UBN1: variants seen among roughly 807,000 people sequenced by gnomAD.
The protein encoded by UBN1 is ubinuclein 1, also known as ubinuclein-1.
In UBN1, 17 loss-of-function variants were observed where a neutral mutation model predicts 108.5. The ratio of observed to expected loss-of-function variants is 0.16; its 90% CI spans 0.11 to 0.24. UBN1 has a LOEUF of 0.24. Among genes scored for constraint, UBN1 ranks in the 10% least tolerant of loss-of-function variants. UBN1 has a pLI of 1.00. For synonymous variants in UBN1, 726 were observed against 564.2 expected (o/e 1.29, Z -4.07); for missense variants, 1,595 against 1,394.4 (o/e 1.14, Z -2.29).
intron 7 of UBN1, among the ~76,000 whole-genome samples, chr16:4,862,470 G>T (rs148052532): frequency 6.6e-6 from 1 of 152,220 alleles, no homozygotes; most frequent in African/African-American, 2.4e-5. Context: ...GGTGGAAGTA[G>T]CTGAATCTGA....
chr16:4,865,436 T>C (rs556417273), intron 7 of UBN1, among the ~76,000 whole-genome samples: 1 of 152,198 alleles, frequency 6.6e-6, no homozygotes, highest in South Asian at 2.1e-4. Flanking sequence ...ATCGCAGTAC[T>C]TTGGGAGGCC....
At chr16:4,858,149 G>A in intron 3 of UBN1, 73 bp downstream of exon 3, 1 of 965,980 alleles carries the variant, frequency 1.0e-6, no homozygotes, top group Non-Finnish European at 1.6e-6. Flanking sequence ...TTCCTTTAGT[G>A]GATCATCATG....
chr16:4,870,270 C>T lies in UBN1; in HGVS notation c.1240C>T (p.Leu414Phe). The change falls in exon 9 of 18, where the codon CTT becomes TTT. Residue 414 changes from leucine (L) to phenylalanine (F), a missense_variant. Leu to Phe is a conservative substitution (Grantham distance 22). Around this residue, in one of 3 missense-constraint regions of UBN1, gnomAD observed 1,398 missense variants for 1,194.7 expected, o/e 1.17. Coordinates refer to ENST00000262376, the MANE Select transcript of UBN1 (RefSeq NM_001079514.3). ...GGTCCGCTCTGGGGTGTATGCCTAT[C>T]TTGCGTCATTCCTGCCCTGCAGCAA... ...SQVRSGVYAY[L>F]ASFLPCSKDA... 1 of 1,614,240 alleles carries T rather than the reference C, an allele frequency of 6.2e-7. No individual in the cohort carries two copies. The highest frequency in any genetic ancestry group is 8.5e-7 in the Non-Finnish European group (1 of 1,180,044).
At position 4,874,869 on chromosome 16, in the gene UBN1, C is replaced by T. The variant is rs150590023; in HGVS notation, c.2459C>T (p.Pro820Leu). 3.7e-6 allele frequency: 6 copies of T among 1,613,996 alleles called. No individual in the cohort carries two copies. The highest frequency in any genetic ancestry group is 4.5e-5 in the East Asian group (2 of 44,884). Residue 820 changes from proline to leucine, a missense_variant, in exon 15 of 18, where the codon CCA (proline) becomes CTA (leucine). By Grantham distance (98) the Pro-to-Leu change is moderately conservative. Coordinates refer to ENST00000262376, the MANE Select transcript of UBN1 (RefSeq NM_001079514.3). The part of the protein sequence containing the change: ...GTQQQKNFTP[P>L]SPFANKLQGP... ...CAGCAGCAGAAAAACTTCACGCCCC[C>T]ATCTCCATTTGCCAATAAGCTCCAA...
intron 7 of UBN1, among the ~76,000 whole-genome samples, chr16:4,861,409 G>A (rs540751119): frequency 6.6e-6 from 1 of 152,300 alleles, no homozygotes; most frequent in Admixed American, 6.5e-5. Flanking sequence ...TGTGATAGAC[G>A]GATGATGTTG....
At chr16:4,872,025 A>G (rs527804130) in intron 12 of UBN1, among the ~76,000 whole-genome samples, 2 of 152,344 alleles carry the variant, frequency 1.3e-5, no homozygotes, top group South Asian at 4.1e-4. Flanking sequence ...CCAGGCTTCC[A>G]TCTCAGAGGC....
chr16:4,858,708 A>G (rs2142157485), intron 4 of UBN1, 45 bp downstream of exon 4: 1 of 1,584,736 alleles, frequency 6.3e-7, no homozygotes, highest in East Asian at 2.2e-5. Context: ...CTGTACCTGT[A>G]GCTCCTCCTG....
In UBN1 at chr16:4,874,689, A is replaced by G; in HGVS notation, c.2279A>G (p.Tyr760Cys). The change falls in exon 15 of 18, where the codon TAC becomes TGC. Residue 760 changes from tyrosine (Y) to cysteine (C), a missense_variant. Around this residue, in one of 3 missense-constraint regions of UBN1, gnomAD observed 1,398 missense variants for 1,194.7 expected, o/e 1.17. Coordinates refer to ENST00000262376, the MANE Select transcript of UBN1 (RefSeq NM_001079514.3). ...SQEKKPESSG[Y>C]KELSCQAPLN... ...GAGAAAAAACCAGAGAGTTCTGGCT[A>G]CAAAGAGCTGTCCTGCCAGGCTCCC... 9 of 1,614,150 alleles carry G rather than the reference A, an allele frequency of 5.6e-6. No individual in the cohort carries two copies. Among genetic ancestry groups the G allele is most frequent in the Non-Finnish European group, 6.8e-6 (8 of 1,180,024 alleles).
In UBN1 at chr16:4,852,893, C is replaced by T. The variant is rs573728589; in HGVS notation, c.-25C>T. On this transcript the variant is annotated 5_prime_UTR_variant, in exon 2 of 18. Coordinates refer to ENST00000262376, the MANE Select transcript of UBN1 (RefSeq NM_001079514.3). ...AATGTTAACAGAAGCCATGCAGTGACACCCGCTAAGACTTGTTGGTAGCCA... is the reference window on the plus strand; with the variant it reads ...AATGTTAACAGAAGCCATGCAGTGATACCCGCTAAGACTTGTTGGTAGCCA... 1.6e-4 allele frequency: 253 copies of T among 1,600,558 alleles called. 1 individual carries two copies. Among genetic ancestry groups the T allele is most frequent in the Non-Finnish European group, 2.0e-4 (239 of 1,171,306 alleles).
At chr16:4,870,389 G>A in intron 9 of UBN1, 48 bp downstream of exon 9, 1 of 1,611,674 alleles carries the variant, frequency 6.2e-7, no homozygotes, top group Non-Finnish European at 8.5e-7. Flanking sequence ...TCCTGGCGGA[G>A]GGGTGACTGA....
rs925576179 is a variant in UBN1, at chr16:4,857,411, T to C, written c.250-579T>C. Among the ~76,000 whole-genome samples, 3 of 151,288 alleles carry C rather than the reference T, an allele frequency of 2.0e-5. No individual in the cohort carries two copies. In the South Asian group the frequency reaches 6.3e-4, roughly 32 times the overall value. On this transcript the variant is annotated intron_variant, in intron 2 of 17. Coordinates refer to ENST00000262376, the MANE Select transcript of UBN1 (RefSeq NM_001079514.3). ...CCTTGCTCACAAAGCTTAAGGCTTA[T>C]CTGTGGAAAATTTGCTTGATGAGAA...
Position 4,876,875 on chromosome 16 carries a change from G to A in UBN1, c.3029G>A (p.Gly1010Glu). The A allele has an allele frequency of 6.3e-7, 1 of 1,590,138 alleles. No homozygotes were observed. Residue 1010 changes from glycine to glutamate, a missense_variant, in exon 16 of 18, where the codon GGA (glycine) becomes GAA (glutamate). Transcript: ENST00000262376. ...CTTGCTGTGTTTCTTCCCTAGAAAGGAGCGAGTGGGACTGTGCTGCTGGCC... is the reference window on the plus strand; with the variant it reads ...CTTGCTGTGTTTCTTCCCTAGAAAGAAGCGAGTGGGACTGTGCTGCTGGCC... ...SVTSSTSLSKGASGTVLLAGS... is the reference protein window; with the variant it reads ...SVTSSTSLSKEASGTVLLAGS...
chr16:4,868,749 G>C, intron 7 of UBN1, 84 bp from the exon 8 acceptor site: 1 of 1,360,674 alleles, frequency 7.3e-7, no homozygotes, highest in East Asian at 2.3e-5. Flanking sequence ...TCTTTATGGA[G>C]CGATGACTCC....
intron 2 of UBN1, among the ~76,000 whole-genome samples, chr16:4,857,465 C>T (rs2086869858): frequency 6.6e-6 from 1 of 151,110 alleles, no homozygotes; most frequent in African/African-American, 2.4e-5. Context: ...TGGAAATAAG[C>T]CTTGGAAGCC....
At chr16:4,858,867 A>C in intron 4 of UBN1, 158 bp from the exon 5 acceptor site, 1 of 1,089,230 alleles carries the variant, frequency 9.2e-7, no homozygotes, top group Non-Finnish European at 1.3e-6. Flanking sequence ...TCTGTCCAAA[A>C]CACCTTGTAG....
intron 7 of UBN1, among the ~76,000 whole-genome samples, chr16:4,861,679 C>T (rs1401445609): frequency 1.3e-5 from 2 of 152,232 alleles, no homozygotes; most frequent in African/African-American, 2.4e-5. Context: ...CAGTGGCTCA[C>T]GCCTGTAATC....
rs551055739 is a variant in UBN1 at position 4,861,134 on chromosome 16, G to A, written c.1110+32G>A. ...TGGCACAGTGCGGCTGGGCTTTCCTGGAAGCAGTTTGGGCAGATTGCTGTT... is the reference window on the plus strand; with the variant it reads ...TGGCACAGTGCGGCTGGGCTTTCCTAGAAGCAGTTTGGGCAGATTGCTGTT... On this transcript the variant is annotated intron_variant, in intron 7 of 17. Coordinates refer to ENST00000262376, the MANE Select transcript of UBN1 (RefSeq NM_001079514.3). 1.3e-5 allele frequency: 21 copies of A among 1,583,882 alleles called. No homozygotes were observed. In the South Asian group the frequency reaches 1.9e-4, roughly 15 times the overall value.
At chr16:4,872,352 C>T in intron 12 of UBN1, 1 of 984,732 alleles carries the variant, frequency 1.0e-6, no homozygotes, top group African/African-American at 1.7e-5. Context: ...CATACATTTT[C>T]TTGGTAAAGG....
In UBN1 at chr16:4,880,415, T is replaced by C. The variant is rs2088043688; in HGVS notation, c.*283T>C. On this transcript the variant is annotated 3_prime_UTR_variant, in exon 18 of 18. Coordinates refer to ENST00000262376, the MANE Select transcript of UBN1 (RefSeq NM_001079514.3). ...CTAGGCTGGGGCTTGCGCTGGGCCG[T>C]GGTGGGAGGCACAGTGTTTACAGGC... The C allele has an allele frequency of 2.5e-6, 1 of 401,814 alleles. No individual in the cohort carries two copies. Among genetic ancestry groups the C allele is most frequent in the African/African-American group, 2.0e-5 (1 of 50,400 alleles). The allele number at this position is 401,814 out of a possible 1,614,324, so 24.9% of individuals were successfully genotyped here. A position where few individuals can be genotyped will look rare whatever the true frequency, so the allele number is the denominator to read the frequency against.
Sources: allele counts gnomAD v4.1 joint callset (sites outside exome capture counted in the v4.1 genomes callset), GRCh38; gene constraint gnomAD v4.1.1; regional missense constraint gnomAD v4.1.1; transcripts MANE v1.5; gene names NCBI Gene and HGNC (gene_info 2026-07-23, HGNC 2026-07-21).